PRKCA: variants seen among roughly 807,000 people sequenced by gnomAD.
PRKCA encodes protein kinase C alpha type.
In PRKCA, 27 loss-of-function variants were observed where a neutral mutation model predicts 87.0. That is an observed-to-expected ratio of 0.31 (90% CI 0.23 to 0.43). The LOEUF (loss-of-function observed/expected upper bound fraction) is 0.43, where lower values mean the gene tolerates loss of function less well. Ranked by LOEUF, PRKCA falls within the 20% of genes least tolerant of loss-of-function variation. The pLI is 1.00. For missense variants in PRKCA, 518 were observed against 852.3 expected (o/e 0.61, Z 4.88); for synonymous variants, 329 against 311.1 (o/e 1.06, Z -0.61).
At chr17:66,551,830 A>G (rs1405599499) in intron 3 of PRKCA, among the ~76,000 whole-genome samples, 1 of 152,188 alleles carries the variant, frequency 6.6e-6, no homozygotes, top group Non-Finnish European at 1.5e-5. Flanking sequence ...CTTTCCTTTA[A>G]TGAAGTATAA....
chr17:66,564,003 C>CT (rs762381346), intron 3 of PRKCA, among the ~76,000 whole-genome samples: 3,670 of 100,242 alleles, frequency 0.037, 89 homozygotes, highest in Admixed American at 0.084. Flanking sequence ...TCCTTCCTTC[C>CT]TCCTTTCTTT....
At chr17:66,331,429 A>T (rs1165873505) in intron 2 of PRKCA, among the ~76,000 whole-genome samples, 2 of 152,208 alleles carry the variant, frequency 1.3e-5, no homozygotes, top group Non-Finnish European at 2.9e-5. Flanking sequence ...AGTTGTGATC[A>T]GCAAAGTTCT....
chr17:66,738,919 T>TA (rs1438165150), intron 11 of PRKCA, 64 bp downstream of exon 11: 16 of 1,331,294 alleles, frequency 1.2e-5, no homozygotes, highest in Non-Finnish European at 1.6e-5. Context: ...GAAACTTCCT[T>TA]TTTTCCCCCC....
intron 8 of PRKCA, among the ~76,000 whole-genome samples, chr17:66,728,531 C>T (rs1047371235): frequency 1.3e-5 from 2 of 152,184 alleles, no homozygotes; most frequent in Admixed American, 1.3e-4. Context: ...AGACCTGAGG[C>T]CAAGGTCATA....
chr17:66,586,012 T>C (rs920835085), intron 3 of PRKCA, among the ~76,000 whole-genome samples: 3 of 152,214 alleles, frequency 2.0e-5, no homozygotes, highest in Non-Finnish European at 4.4e-5. Flanking sequence ...AATGGGGAGT[T>C]GACCTTTCTG....
At chr17:66,707,121 G>A (rs1445100501) in intron 8 of PRKCA, among the ~76,000 whole-genome samples, 1 of 151,986 alleles carries the variant, frequency 6.6e-6, no homozygotes. Context: ...CATCCACCAT[G>A]CTCATTAATG....
At chr17:66,458,724 GC>G (rs541570064) in intron 2 of PRKCA, among the ~76,000 whole-genome samples, 194 of 152,140 alleles carry the variant, frequency 1.3e-3, no homozygotes, top group Non-Finnish European at 2.3e-3. Context: ...CAGGTGGTCC[GC>G]CCACCTCAGC....
intron 3 of PRKCA, among the ~76,000 whole-genome samples, chr17:66,519,312 T>C (rs1323978834): frequency 2.0e-5 from 3 of 152,178 alleles, no homozygotes; most frequent in Non-Finnish European, 4.4e-5. Context: ...GCTGTGCATA[T>C]TGTGTTTGAG....
intron 2 of PRKCA, among the ~76,000 whole-genome samples, chr17:66,442,211 G>C (rs1913806273): frequency 6.7e-6 from 1 of 149,976 alleles, no homozygotes; most frequent in Non-Finnish European, 1.5e-5. Context: ...ACAGGTGCCT[G>C]CCATGCCTGG....
At chr17:66,321,556 A>AT (rs904206215) in intron 2 of PRKCA, among the ~76,000 whole-genome samples, 30 of 151,914 alleles carry the variant, frequency 2.0e-4, no homozygotes, top group African/African-American at 7.0e-4. Context: ...CTTTTTAAAA[A>AT]TTTTTTTTAG....
intron 5 of PRKCA, among the ~76,000 whole-genome samples, chr17:66,652,120 G>A (rs1028819646): frequency 3.9e-5 from 6 of 151,964 alleles, no homozygotes; most frequent in African/African-American, 9.7e-5. Context: ...CACCATGCCC[G>A]GCTAATTTTT....
chr17:66,532,889 T>A (rs1967615571), intron 3 of PRKCA, among the ~76,000 whole-genome samples: 1 of 152,164 alleles, frequency 6.6e-6, no homozygotes. Context: ...CTGCTGTCGG[T>A]GGAATTAGTT....
At chr17:66,701,543 A>C (rs1436184478) in intron 8 of PRKCA, among the ~76,000 whole-genome samples, 1 of 152,212 alleles carries the variant, frequency 6.6e-6, no homozygotes, top group Non-Finnish European at 1.5e-5. Context: ...AAATATTTGC[A>C]AACTGTATAT....
At chr17:66,700,855 A>G (rs925373231) in intron 8 of PRKCA, among the ~76,000 whole-genome samples, 3 of 152,200 alleles carry the variant, frequency 2.0e-5, no homozygotes, top group South Asian at 2.1e-4. Context: ...AATATTGTCA[A>G]AATGTTTGTA....
chr17:66,681,391 G>A (rs1048272405), intron 5 of PRKCA, among the ~76,000 whole-genome samples: 3 of 152,068 alleles, frequency 2.0e-5, no homozygotes, highest in Admixed American at 1.3e-4. Flanking sequence ...GCCTAATGGG[G>A]TCTGTTACCC....
intron 2 of PRKCA, among the ~76,000 whole-genome samples, chr17:66,363,171 G>A (rs1908498487): frequency 6.6e-6 from 1 of 152,186 alleles, no homozygotes; most frequent in African/African-American, 2.4e-5. Context: ...TGTACATTTT[G>A]ATGAAAAGAC....
At chr17:66,371,940 C>T (rs1429575547) in intron 2 of PRKCA, among the ~76,000 whole-genome samples, 14 of 152,166 alleles carry the variant, frequency 9.2e-5, no homozygotes, top group Admixed American at 1.3e-4. Context: ...AAAATTGAAG[C>T]GCTTTGTATC....
chr17:66,312,820 C>T (rs571728789), intron 2 of PRKCA, among the ~76,000 whole-genome samples: 2 of 145,852 alleles, frequency 1.4e-5, no homozygotes, highest in South Asian at 4.4e-4. Context: ...TTCACTGCAA[C>T]CTTTGCCTCC....
chr17:66,559,155 G>A (rs935168669), intron 3 of PRKCA, among the ~76,000 whole-genome samples: 1 of 152,034 alleles, frequency 6.6e-6, no homozygotes, highest in Non-Finnish European at 1.5e-5. Flanking sequence ...GACTCTTAAT[G>A]CAGGGACAGA....
Sources: allele counts gnomAD v4.1 joint callset (sites outside exome capture counted in the v4.1 genomes callset), GRCh38; gene constraint gnomAD v4.1.1; transcripts MANE v1.5; gene names NCBI Gene and HGNC (gene_info 2026-07-23, HGNC 2026-07-21).